The following SCN2A variants were observed in gnomAD, a reference collection of about 807,000 sequenced individuals.
SCN2A encodes sodium channel protein type 2 subunit alpha.
SCN2A carries 20 observed loss-of-function variants against 188.7 expected under a neutral mutation model. The ratio of observed to expected loss-of-function variants is 0.11; its 90% CI spans 0.07 to 0.15. The LOEUF (loss-of-function observed/expected upper bound fraction) is 0.15, where lower values mean the gene tolerates loss of function less well. Among genes scored for constraint, SCN2A ranks in the 10% least tolerant of loss-of-function variants. The pLI, the probability that SCN2A is intolerant of heterozygous loss-of-function variation, is 1.00. For missense variants in SCN2A, 1,278 were observed against 2,445.0 expected, an observed-to-expected ratio of 0.52 and a Z score of 10.07; for synonymous variants, 804 against 833.1, an observed-to-expected ratio of 0.97 and a Z score of 0.60.
At chr2:165,349,894 G>A (rs1476048913) in intron 16 of SCN2A, among the ~76,000 whole-genome samples, 1 of 152,130 alleles carries the variant, frequency 6.6e-6, no homozygotes, top group African/African-American at 2.4e-5. Context: ...CTGGAAAAAT[G>A]GGAAAGGTGT....
chr2:165,290,684 T>G (rs1696055565), intron 1 of SCN2A: 1 of 719,902 alleles, frequency 1.4e-6, no homozygotes, highest in African/African-American at 1.9e-5. Flanking sequence ...AAGTAAGACC[T>G]GAATATGGAT....
At chr2:165,242,796 G>A (rs1035622101) in intron 1 of SCN2A, among the ~76,000 whole-genome samples, 4 of 152,152 alleles carry the variant, frequency 2.6e-5, no homozygotes, top group African/African-American at 9.7e-5. Flanking sequence ...AGAGACAGAA[G>A]GAAGGTTTGA....
At chr2:165,307,825 T>C (rs1697218782) in intron 3 of SCN2A, 23 bp from the exon 4 acceptor site, 1 of 1,529,674 alleles carries the variant, frequency 6.5e-7, no homozygotes, top group Non-Finnish European at 9.1e-7. Flanking sequence ...CATTGAACTT[T>C]GTCTTCCTTG....
chr2:165,343,141 C>T (rs1052282669), intron 15 of SCN2A, among the ~76,000 whole-genome samples: 1 of 152,170 alleles, frequency 6.6e-6, no homozygotes, highest in Non-Finnish European at 1.5e-5. Context: ...TATACTATTA[C>T]TTTGAGTTGG....
At chr2:165,291,499 C>CTTTCTTTCTT (rs1696170030) in intron 1 of SCN2A, among the ~76,000 whole-genome samples, 1 of 106,950 alleles carries the variant, frequency 9.4e-6, no homozygotes. Context: ...TCTTTTCTTT[C>CTTTCTTTCTT]TTTCTTTCTT....
chr2:165,349,393 A>G (rs558063232), intron 16 of SCN2A, among the ~76,000 whole-genome samples: 3 of 152,292 alleles, frequency 2.0e-5, no homozygotes, highest in South Asian at 4.1e-4. Flanking sequence ...AACCAGTGAT[A>G]TTTTTCAGAA....
chr2:165,291,393 T>TGTCTG (rs1282129583), intron 1 of SCN2A, among the ~76,000 whole-genome samples: 2 of 149,290 alleles, frequency 1.3e-5, no homozygotes, highest in East Asian at 2.0e-4. Flanking sequence ...CCTTCCTTCC[T>TGTCTG]TCCTTCCTTC....
chr2:165,243,325 G>A (rs188220072), intron 1 of SCN2A, among the ~76,000 whole-genome samples: 1,648 of 152,034 alleles, frequency 0.011, 15 homozygotes, highest in Non-Finnish European at 0.017. Flanking sequence ...TGTCATGGCC[G>A]GGTGCAGTGA....
rs183477583 is a variant in SCN2A, at chr2:165,346,811, C to T, written c.2919+1900C>T. Among the ~76,000 whole-genome samples the T allele has an allele frequency of 5.3e-3, 808 of 152,282 alleles. 8 individuals are homozygous for T. Among genetic ancestry groups the T allele is most frequent in the African/African-American group, 0.019 (774 of 41,546 alleles). On this transcript the variant is annotated intron_variant, in intron 16 of 26. Transcript: ENST00000375437. Reference sequence around the variant, plus strand: ...TGAACAGACACTTCTCAAAAGAAGACATTTATGTGGCCAACAAACATATGA... The same window carrying T: ...TGAACAGACACTTCTCAAAAGAAGATATTTATGTGGCCAACAAACATATGA...
intron 22 of SCN2A, 81 bp downstream of exon 22, chr2:165,375,047 C>T: frequency 8.2e-7 from 1 of 1,226,732 alleles, no homozygotes; most frequent in South Asian, 1.3e-5. Context: ...GAGATATCCA[C>T]CTGTTAGAAT....
intron 21 of SCN2A, 124 bp from the exon 22 acceptor site, chr2:165,374,561 T>C: frequency 1.0e-6 from 1 of 991,624 alleles, no homozygotes; most frequent in Non-Finnish European, 1.5e-6. Flanking sequence ...GTCTAGTTTC[T>C]ACCCAATATT....
chr2:165,341,473 G>A (rs1355449328), intron 14 of SCN2A, among the ~76,000 whole-genome samples: 2 of 152,214 alleles, frequency 1.3e-5, no homozygotes, highest in African/African-American at 4.8e-5. Context: ...GCCAGTAGTA[G>A]AAATGTTGGT....
intron 1 of SCN2A, among the ~76,000 whole-genome samples, chr2:165,261,163 C>T (rs1694581128): frequency 6.6e-6 from 1 of 152,040 alleles, no homozygotes; most frequent in Non-Finnish European, 1.5e-5. Flanking sequence ...GGTACAGATG[C>T]AATTTTTAAA....
intron 16 of SCN2A, among the ~76,000 whole-genome samples, chr2:165,348,079 C>G (rs1412848354): frequency 6.6e-6 from 1 of 152,120 alleles, no homozygotes; most frequent in African/African-American, 2.4e-5. Context: ...TATACTCTTG[C>G]CAGGCTCAGT....
At chr2:165,379,930 G>A (rs1215585801) in intron 23 of SCN2A, among the ~76,000 whole-genome samples, 1 of 151,734 alleles carries the variant, frequency 6.6e-6, no homozygotes, top group African/African-American at 2.4e-5. Flanking sequence ...TTAGACAAGA[G>A]ATAGTATCAT....
intron 16 of SCN2A, among the ~76,000 whole-genome samples, chr2:165,350,832 C>T (rs16850454): frequency 0.21 from 31,408 of 151,922 alleles, 3,956 homozygotes; most frequent in East Asian, 0.34. Context: ...TATGCGCATA[C>T]CCTTCGGTAA....
intron 7 of SCN2A, among the ~76,000 whole-genome samples, chr2:165,311,582 GA>G (rs1243443907): frequency 1.3e-5 from 2 of 151,990 alleles, no homozygotes; most frequent in African/African-American, 4.8e-5. Context: ...AAATTGGCGG[GA>G]AAAAATGTCT....
intron 2 of SCN2A, chr2:165,296,367 A>G (rs1455137692): frequency 4.4e-6 from 2 of 454,380 alleles, no homozygotes; most frequent in African/African-American, 3.9e-5. Flanking sequence ...TTGAATACAA[A>G]TTATATGCTT....
chr2:165,365,855 T>C (rs562452964), intron 18 of SCN2A, among the ~76,000 whole-genome samples: 16 of 152,234 alleles, frequency 1.1e-4, no homozygotes, highest in African/African-American at 3.9e-4. Context: ...GTCACTGGAG[T>C]AATCGCAAAA....
Sources: gnomAD v4.1 joint callset for allele counts (sites outside exome capture counted in the v4.1 genomes callset) on GRCh38, gnomAD v4.1.1 for gene constraint, MANE v1.5 for transcripts, NCBI Gene and HGNC (gene_info 2026-07-23, HGNC 2026-07-21) for gene names.